Variants in TMEM132B observed in about 807,000 individuals in gnomAD.
The protein encoded by TMEM132B is transmembrane protein 132B.
Under a neutral mutation model 90.8 loss-of-function variants are expected in TMEM132B, and 18 were observed. The ratio of observed to expected loss-of-function variants is 0.20; its 90% CI spans 0.14 to 0.29. The LOEUF is 0.29. Among genes scored for constraint, TMEM132B ranks in the 10% least tolerant of loss-of-function variants. TMEM132B has a pLI of 1.00. For synonymous variants in TMEM132B, 504 were observed against 523.3 expected (o/e 0.96, Z 0.50); for missense variants, 1,096 against 1,326.8 (o/e 0.83, Z 2.70).
chr12:125,279,907 A>G, intron 1 of TMEM132B, among the ~76,000 whole-genome samples: 1 of 152,214 alleles, frequency 6.6e-6, no homozygotes, highest in East Asian at 1.9e-4. Flanking sequence ...AATAACTAAC[A>G]CTTAAATTAC....
At chr12:125,574,588 C>T (rs763885479) in intron 4 of TMEM132B, among the ~76,000 whole-genome samples, 3 of 152,010 alleles carry the variant, frequency 2.0e-5, no homozygotes, top group Admixed American at 2.0e-4. Flanking sequence ...ATTTGAGAAA[C>T]AAGAAGAGGA....
chr12:125,206,132 T>G (rs1873178513), intron 1 of TMEM132B, among the ~76,000 whole-genome samples: 1 of 152,048 alleles, frequency 6.6e-6, no homozygotes, highest in Non-Finnish European at 1.5e-5. Flanking sequence ...TCCCTTAGCT[T>G]TTTTCGCTTA....
intron 1 of TMEM132B, among the ~76,000 whole-genome samples, chr12:125,229,838 G>C (rs1157457681): frequency 6.6e-6 from 1 of 152,252 alleles, no homozygotes; most frequent in African/African-American, 2.4e-5. Flanking sequence ...GCCTAGCTGT[G>C]CAATCCCAGT....
At chr12:125,629,853 CGTT>C (rs1301631257) in intron 5 of TMEM132B, among the ~76,000 whole-genome samples, 1 of 151,926 alleles carries the variant, frequency 6.6e-6, no homozygotes, top group Non-Finnish European at 1.5e-5. Context: ...CATGAAGAGA[CGTT>C]GAACTTTATC....
intron 3 of TMEM132B, among the ~76,000 whole-genome samples, chr12:125,514,397 T>A (rs148669013): frequency 1.1e-4 from 16 of 152,298 alleles, no homozygotes; most frequent in African/African-American, 3.6e-4. Flanking sequence ...GGTCCCCGTC[T>A]CCCATTGTAT....
At chr12:125,632,840 T>A (rs1317139894) in intron 5 of TMEM132B, among the ~76,000 whole-genome samples, 1 of 152,152 alleles carries the variant, frequency 6.6e-6, no homozygotes, top group African/African-American at 2.4e-5. Context: ...ATCTTTGATA[T>A]TGGAGAGTTT....
chr12:125,322,276 C>T (rs1876448746), intron 1 of TMEM132B, among the ~76,000 whole-genome samples: 1 of 152,222 alleles, frequency 6.6e-6, no homozygotes, highest in Admixed American at 6.5e-5. Context: ...TTGCCTGCCG[C>T]CATGTAAGAT....
chr12:125,507,218 G>T (rs530999590), intron 3 of TMEM132B, among the ~76,000 whole-genome samples: 1 of 152,282 alleles, frequency 6.6e-6, no homozygotes, highest in East Asian at 1.9e-4. Context: ...TTTACTTTGA[G>T]GTTCACAGAT....
intron 4 of TMEM132B, among the ~76,000 whole-genome samples, chr12:125,528,144 T>C (rs1284036300): frequency 1.3e-5 from 2 of 152,110 alleles, no homozygotes; most frequent in Non-Finnish European, 2.9e-5. Context: ...ATTTCTTTTT[T>C]TTTTTCCTCT....
chr12:125,506,811 G>T (rs1034534590), intron 3 of TMEM132B, among the ~76,000 whole-genome samples: 1 of 152,166 alleles, frequency 6.6e-6, no homozygotes. Flanking sequence ...GCATGGACAG[G>T]GATTGGGTCT....
At chr12:125,287,877 C>CT (rs1369844829) in intron 1 of TMEM132B, among the ~76,000 whole-genome samples, 1 of 151,754 alleles carries the variant, frequency 6.6e-6, no homozygotes, top group Non-Finnish European at 1.5e-5. Context: ...CCCTTTCTGT[C>CT]TTTTTTTTGA....
At chr12:125,565,428 C>G (rs1198162350) in intron 4 of TMEM132B, among the ~76,000 whole-genome samples, 1 of 152,228 alleles carries the variant, frequency 6.6e-6, no homozygotes, top group Non-Finnish European at 1.5e-5. Flanking sequence ...TGTGCGTATG[C>G]TACAGTGTGC....
At position 125,540,161 on chromosome 12, in the gene TMEM132B, C is replaced by T. The variant is rs551054765; in HGVS notation, c.1293+20536C>T. Among the ~76,000 whole-genome samples, 30 of 152,276 alleles carry T rather than the reference C, an allele frequency of 2.0e-4. No homozygotes were observed. The South Asian group carries it at 4.4e-3, about 22-fold the overall frequency. ...TATTACTGATTTCTAACTTTTATCC[C>T]ACTGTGGCTGATAACATACTTTATA... On this transcript the variant is annotated intron_variant, in intron 4 of 8. Coordinates refer to ENST00000682704, the MANE Select transcript of TMEM132B (RefSeq NM_001366854.1).
At chr12:125,412,303 C>T (rs562730306) in intron 2 of TMEM132B, among the ~76,000 whole-genome samples, 1 of 152,220 alleles carries the variant, frequency 6.6e-6, no homozygotes, top group Non-Finnish European at 1.5e-5. Context: ...TCCGTGGGTA[C>T]GTGTTGTATC....
At chr12:125,202,138 T>A (rs1048091458) in intron 1 of TMEM132B, among the ~76,000 whole-genome samples, 3 of 152,208 alleles carry the variant, frequency 2.0e-5, no homozygotes, top group East Asian at 3.9e-4. Context: ...GGATCAGGGT[T>A]GAGCACATGG....
intron 2 of TMEM132B, among the ~76,000 whole-genome samples, chr12:125,383,525 A>G (rs1276694275): frequency 6.6e-6 from 1 of 152,200 alleles, no homozygotes; most frequent in Non-Finnish European, 1.5e-5. Flanking sequence ...GCAACTTCTG[A>G]CTTCAGGGAC....
At chr12:125,524,772 C>G (rs1053715600) in intron 4 of TMEM132B, among the ~76,000 whole-genome samples, 3 of 152,088 alleles carry the variant, frequency 2.0e-5, no homozygotes, top group Admixed American at 6.5e-5. Context: ...AGGTTCTCCT[C>G]TTGGAGAAAA....
intron 4 of TMEM132B, among the ~76,000 whole-genome samples, chr12:125,553,790 T>A (rs1263104344): frequency 1.3e-5 from 2 of 152,242 alleles, no homozygotes; most frequent in African/African-American, 2.4e-5. Flanking sequence ...GAATAACAAG[T>A]CCTTTGCCAA....
At chr12:125,217,513 C>T (rs1363280553) in intron 1 of TMEM132B, among the ~76,000 whole-genome samples, 16 of 152,202 alleles carry the variant, frequency 1.1e-4, no homozygotes, top group Admixed American at 1.0e-3. Context: ...GTGGCACAAT[C>T]TCAGTTCATT....
Sources: gnomAD v4.1 joint callset for allele counts (sites outside exome capture counted in the v4.1 genomes callset) on GRCh38, gnomAD v4.1.1 for gene constraint, MANE v1.5 for transcripts, NCBI Gene and HGNC (gene_info 2026-07-23, HGNC 2026-07-21) for gene names.